SANBR: variants seen among roughly 807,000 people sequenced by gnomAD.
SANBR encodes the protein SANT and BTB domain regulator of CSR.
SANBR carries 77 observed loss-of-function variants against 101.8 expected under a neutral mutation model. The ratio of observed to expected loss-of-function variants is 0.76; its 90% confidence interval spans 0.63 to 0.91. SANBR has a LOEUF of 0.91. SANBR is among the 40% of genes least tolerant of loss of function. The pLI is 0.00. For missense variants in SANBR, 875 were observed against 853.0 expected, an observed-to-expected ratio of 1.03 and a Z score of -0.32; for synonymous variants, 279 against 274.7, an observed-to-expected ratio of 1.02 and a Z score of -0.15.
At chr2:61,127,299 T>A (rs1307365986), downstream of SANBR, among the ~76,000 whole-genome samples, 1 of 152,186 alleles carries the variant, frequency 6.6e-6, no homozygotes, top group East Asian at 1.9e-4. Flanking sequence ...AATCTGCACC[T>A]GTTGGAGTTT....
At chr2:61,128,837 C>T (rs1684593635), downstream of SANBR, among the ~76,000 whole-genome samples, 1 of 151,984 alleles carries the variant, frequency 6.6e-6, no homozygotes, top group Admixed American at 6.6e-5. Flanking sequence ...TGGCACACAC[C>T]TGTAATTCCA....
chr2:61,117,523 A>G lies in SANBR; in HGVS notation c.1922A>G (p.Asp641Gly). Residue 641 changes from aspartate to glycine, a missense_variant, in exon 19 of 22, where the codon GAT becomes GGT. By Grantham distance (94) the Asp-to-Gly change is moderately conservative. Coordinates refer to ENST00000402291, the MANE Select transcript of SANBR (RefSeq NM_001129993.3). The stretch of plus-strand genomic sequence containing the variant: ...ACAAGATCCTTGAGATTCAACCAGG[A>G]TGCACAAAGAGAAGACGGTAAATTT... ...DATRSLRFNQ[D>G]AQREDDQRRM... The G allele has an allele frequency of 6.2e-7, 1 of 1,613,442 alleles. No individual in the cohort carries two copies. Among genetic ancestry groups the G allele is most frequent in the Non-Finnish European group, 8.5e-7 (1 of 1,179,506 alleles).
chr2:61,070,460 A>T lies in SANBR; in HGVS notation c.110A>T (p.Glu37Val), dbSNP rs762566624. 6.2e-7 allele frequency: 1 copy of T among 1,603,284 alleles called. No homozygotes were observed. The highest frequency in any genetic ancestry group is 8.5e-7 in the Non-Finnish European group (1 of 1,175,984). ...LIGIPQTINW[E>V]TIARLVPGLT... ...GGAATCCCTCAGACTATCAACTGGG[A>T]AACTATAGCAAGGCTCGTGCCTGGA... The change falls in exon 3 of 22, where the codon GAA (glutamate) becomes GTA (valine). Residue 37 changes from glutamate to valine, a missense_variant. Physicochemically the swap from Glu to Val is moderately radical, Grantham distance 121 (BLOSUM62 -2). Coordinates refer to ENST00000402291, the MANE Select transcript of SANBR (RefSeq NM_001129993.3).
At chr2:61,101,936 G>A (rs1323276566) in intron 12 of SANBR, among the ~76,000 whole-genome samples, 4 of 151,966 alleles carry the variant, frequency 2.6e-5, no homozygotes, top group African/African-American at 9.7e-5. Context: ...TACTCGGGAG[G>A]CAGGAGAATC....
chr2:61,124,612 G>A (rs1684459475), downstream of SANBR, among the ~76,000 whole-genome samples: 1 of 151,866 alleles, frequency 6.6e-6, no homozygotes, highest in Non-Finnish European at 1.5e-5. Context: ...AGGCTGAGGT[G>A]GAAGAATTGC....
intron 11 of SANBR, among the ~76,000 whole-genome samples, chr2:61,095,970 A>G (rs570034719): frequency 1.3e-5 from 2 of 152,148 alleles, no homozygotes; most frequent in South Asian, 4.2e-4. Flanking sequence ...ATCCAGTGGT[A>G]CTGCCCCCTC....
In SANBR at chr2:61,084,855, G is replaced by T. The variant is rs188031949; in HGVS notation, c.890+1541G>T. Among the ~76,000 whole-genome samples the T allele has an allele frequency of 1.9e-4, 29 of 152,254 alleles. No individual in the cohort carries two copies. The East Asian group carries it at 5.2e-3, about 27-fold the overall frequency. On this transcript the variant is annotated intron_variant, in intron 8 of 21. Transcript: ENST00000402291. ...GCACTAGGGTAGAAACGGTAGAGCT[G>T]GAAAGAAGTAGATGGACTCAGTTGT... is the stretch of plus-strand genomic sequence containing the variant.
chr2:61,128,069 G>A (rs1052347990), downstream of SANBR, among the ~76,000 whole-genome samples: 2 of 151,830 alleles, frequency 1.3e-5, no homozygotes, highest in Admixed American at 6.6e-5. Context: ...TCAGGAGATT[G>A]AGACCATCCT....
intron 14 of SANBR, among the ~76,000 whole-genome samples, chr2:61,106,981 A>G (rs1479556827): frequency 3.9e-5 from 6 of 152,104 alleles, no homozygotes; most frequent in Admixed American, 3.9e-4. Context: ...CCTGGGCAAT[A>G]TAGTGAGACC....
downstream of SANBR, among the ~76,000 whole-genome samples, chr2:61,126,867 C>T (rs1323401709): frequency 6.6e-6 from 1 of 151,952 alleles, no homozygotes; most frequent in African/African-American, 2.4e-5. Flanking sequence ...TTATTTACTA[C>T]GCTGGAATAT....
chr2:61,086,672 A>T (rs1031274528), intron 8 of SANBR, among the ~76,000 whole-genome samples: 1 of 152,188 alleles, frequency 6.6e-6, no homozygotes, highest in African/African-American at 2.4e-5. Flanking sequence ...TTTTTTCCGG[A>T]TGTTTTACTT....
At chr2:61,130,057 T>C (rs1684638439) in intron 20 of SANBR, among the ~76,000 whole-genome samples, 1 of 152,098 alleles carries the variant, frequency 6.6e-6, no homozygotes, top group Non-Finnish European at 1.5e-5. Context: ...ACTCTGATGT[T>C]AAGATGTATG....
chr2:61,092,412 T>A, intron 10 of SANBR, 52 bp from the exon 11 acceptor site: 1 of 1,360,188 alleles, frequency 7.4e-7, no homozygotes, highest in Non-Finnish European at 9.8e-7. Flanking sequence ...AATAAATAAA[T>A]AAAACAAATT....
chr2:61,124,019 G>A lies in SANBR; in HGVS notation c.*1857G>A, dbSNP rs542242094. ...TGAGGCACAAGAATTGTTTGAACCC[G>A]GGTGGCAGAGGTTGCAGTGAGCTGA... On this transcript the variant is annotated 3_prime_UTR_variant, in exon 22 of 22. Transcript: ENST00000402291. 4 of 431,736 alleles carry A rather than the reference G, an allele frequency of 9.3e-6. No homozygotes were observed. The highest frequency in any genetic ancestry group is 6.4e-5 in the African/African-American group (3 of 46,512). The allele number at this position is 431,736 out of a possible 1,614,324, so 26.7% of individuals were successfully genotyped here.
At chr2:61,104,278 C>T (rs952942070) in intron 13 of SANBR, among the ~76,000 whole-genome samples, 6 of 151,804 alleles carry the variant, frequency 4.0e-5, no homozygotes, top group South Asian at 2.1e-4. Context: ...GTCAGGAGAT[C>T]GAGAGCATCC....
intron 8 of SANBR, among the ~76,000 whole-genome samples, chr2:61,085,377 A>G (rs1381553780): frequency 4.6e-5 from 7 of 152,020 alleles, no homozygotes; most frequent in South Asian, 2.1e-4. Flanking sequence ...ACACAATACC[A>G]TATGTTGAAA....
At position 61,124,129 on chromosome 2, in the gene SANBR, T is replaced by C; in HGVS notation, c.*1967T>C. 1.0e-6 allele frequency: 1 copy of C among 976,314 alleles called. No homozygotes were observed. Among genetic ancestry groups the C allele is most frequent in the Non-Finnish European group, 1.2e-6 (1 of 821,474 alleles). The allele number at this position is 976,314 out of a possible 1,614,324, so 60.5% of individuals were successfully genotyped here. On this transcript the variant is annotated 3_prime_UTR_variant, in exon 22 of 22. Transcript: ENST00000402291. ...CAAAAAAAGAATGTGTTTTTAATTT[T>C]GTTAATGTTTGTCTGTTATACATAG...
chr2:61,123,857 C>T lies in SANBR; in HGVS notation c.*1695C>T, dbSNP rs757848335. 5.0e-5 allele frequency: 45 copies of T among 903,548 alleles called. No homozygotes were observed. Among genetic ancestry groups the T allele is most frequent in the South Asian group, 5.1e-5 (1 of 19,592 alleles). The allele number at this position is 903,548 out of a possible 1,614,324, so 56.0% of individuals were successfully genotyped here. A position where few individuals can be genotyped will look rare whatever the true frequency, so the allele number is the denominator to read the frequency against. On this transcript the variant is annotated 3_prime_UTR_variant, in exon 22 of 22. Coordinates refer to ENST00000402291, the MANE Select transcript of SANBR (RefSeq NM_001129993.3). The stretch of plus-strand genomic sequence containing the variant: ...CAGTAATCCCAGCACTTTGGGAGGC[C>T]GAGGCGGGCAGATCACCTGAGGTCA...
chr2:61,133,617 G>C (rs1684755609), intron 20 of SANBR, among the ~76,000 whole-genome samples: 1 of 151,796 alleles, frequency 6.6e-6, no homozygotes, highest in Non-Finnish European at 1.5e-5. Context: ...ATTTTAAAAA[G>C]GAATGAAGTA....
Sources: allele counts gnomAD v4.1 joint callset (sites outside exome capture counted in the v4.1 genomes callset), GRCh38; gene constraint gnomAD v4.1.1; transcripts MANE v1.5; gene names NCBI Gene and HGNC (gene_info 2026-07-23, HGNC 2026-07-21).